LRP1B: variants seen among roughly 807,000 people sequenced by gnomAD.
The protein encoded by LRP1B is LDL receptor related protein 1B, also known as low-density lipoprotein receptor-related protein 1B.
In LRP1B, 217 loss-of-function variants were observed where a neutral mutation model predicts 556.6. The ratio of observed to expected loss-of-function variants is 0.39; its 90% CI spans 0.35 to 0.44. The LOEUF (loss-of-function observed/expected upper bound fraction) is 0.44, where lower values mean the gene tolerates loss of function less well. Among genes scored for constraint, LRP1B ranks in the 20% least tolerant of loss-of-function variants. The pLI, the probability that LRP1B is intolerant of heterozygous loss-of-function variation, is 1.00. For missense variants in LRP1B, 5,053 were observed against 5,620.8 expected, an observed-to-expected ratio of 0.90 and a Z score of 3.23; for synonymous variants, 2,047 against 1,865.8, an observed-to-expected ratio of 1.10 and a Z score of -2.50.
At chr2:140,908,376 ATATAT>A in intron 21 of LRP1B, among the ~76,000 whole-genome samples, 2 of 145,914 alleles carry the variant, frequency 1.4e-5, no homozygotes, top group Non-Finnish European at 3.0e-5. Flanking sequence ...ATATATATAT[ATATAT>A]ATATATATAT....
rs117603027 is a variant in LRP1B, at chr2:141,593,901, G to T, written c.206-113368C>A. Among the ~76,000 whole-genome samples, 292 of 152,214 alleles carry T rather than the reference G, an allele frequency of 1.9e-3. 3 individuals carry two copies. Among genetic ancestry groups the T allele is most frequent in the Admixed American group, 0.015 (231 of 15,284 alleles). On this transcript the variant is annotated intron_variant, in intron 2 of 90. Transcript: ENST00000389484. Reference sequence around the variant, plus strand: ...CAAAGCCTGTCATCAGCTGTCATTAGCTTGAAAGCCAAGCTAAAAGTTACG... The same window carrying T: ...CAAAGCCTGTCATCAGCTGTCATTATCTTGAAAGCCAAGCTAAAAGTTACG...
chr2:141,462,397 C>G (rs927669576), intron 3 of LRP1B, among the ~76,000 whole-genome samples: 9 of 151,374 alleles, frequency 5.9e-5, no homozygotes, highest in African/African-American at 1.9e-4. Flanking sequence ...ACAATAAGAA[C>G]AGGTCAAATT....
chr2:140,707,205 A>G (rs1050702952), intron 37 of LRP1B, among the ~76,000 whole-genome samples: 2 of 152,092 alleles, frequency 1.3e-5, no homozygotes, highest in Non-Finnish European at 2.9e-5. Flanking sequence ...CTAAGTGAGT[A>G]TGATTTAGAT....
intron 2 of LRP1B, among the ~76,000 whole-genome samples, chr2:141,482,066 C>G (rs185713117): frequency 2.5e-4 from 38 of 152,144 alleles, no homozygotes; most frequent in Non-Finnish European, 4.4e-5. Context: ...AAAGGCCAAT[C>G]TAACATATTT....
At chr2:141,557,231 A>T (rs914184260) in intron 2 of LRP1B, among the ~76,000 whole-genome samples, 1 of 151,924 alleles carries the variant, frequency 6.6e-6, no homozygotes, top group Admixed American at 6.6e-5. Flanking sequence ...CCACAAAGAC[A>T]CACAGGAAAC....
chr2:140,539,526 GAGA>G (rs1234410890), intron 45 of LRP1B, among the ~76,000 whole-genome samples: 2 of 152,064 alleles, frequency 1.3e-5, no homozygotes, highest in Non-Finnish European at 2.9e-5. Flanking sequence ...CGTCAACAGA[GAGA>G]AGCTTAGTAG....
At chr2:140,297,314 G>A (rs1344765626) in intron 84 of LRP1B, among the ~76,000 whole-genome samples, 1 of 152,146 alleles carries the variant, frequency 6.6e-6, no homozygotes, top group Non-Finnish European at 1.5e-5. Flanking sequence ...TTCATGAGAA[G>A]GAGAAGGTGT....
At chr2:140,873,397 A>C (rs1693202826) in intron 25 of LRP1B, among the ~76,000 whole-genome samples, 1 of 152,104 alleles carries the variant, frequency 6.6e-6, no homozygotes, top group South Asian at 2.1e-4. Flanking sequence ...ACAGGCAGTA[A>C]GGTTTGTTTT....
intron 2 of LRP1B, among the ~76,000 whole-genome samples, chr2:141,639,422 A>ATATATT (rs1558772537): frequency 2.3e-5 from 3 of 128,972 alleles, no homozygotes; most frequent in Non-Finnish European, 4.9e-5. Context: ...ATATATATAT[A>ATATATT]TTTTTTTTTG....
intron 45 of LRP1B, among the ~76,000 whole-genome samples, chr2:140,537,539 C>G (rs1209830198): frequency 6.6e-6 from 1 of 151,962 alleles, no homozygotes; most frequent in African/African-American, 2.4e-5. Context: ...GTGGGAGGTT[C>G]CCGGGAGCAG....
At chr2:141,614,080 CAAAA>C (rs550183140) in intron 2 of LRP1B, among the ~76,000 whole-genome samples, 1 of 47,346 alleles carries the variant, frequency 2.1e-5, no homozygotes, top group Non-Finnish European at 3.6e-5. Context: ...AACTCAGCCT[CAAAA>C]AAAAAAAAAA....
intron 1 of LRP1B, among the ~76,000 whole-genome samples, chr2:141,952,419 T>G (rs1701131847): frequency 6.6e-6 from 1 of 152,174 alleles, no homozygotes; most frequent in African/African-American, 2.4e-5. Flanking sequence ...GGCACATATT[T>G]CTATATAGAT....
rs539464566 is a variant in LRP1B at position 141,815,662 on chromosome 2, CA to C, written c.83-5262del. Among the ~76,000 whole-genome samples the C allele has an allele frequency of 7.2e-5, 11 of 152,264 alleles. No individual in the cohort carries two copies. The South Asian group carries it at 2.1e-3, about 29-fold the overall frequency. ...TTAAAAAAAGGGCACTCTGATAGGA[CA>C]AAAACGGAACATGGGAGGGGACAAA... is the stretch of plus-strand genomic sequence containing the variant. On this transcript the variant is annotated intron_variant, in intron 1 of 90. Coordinates refer to ENST00000389484, the MANE Select transcript of LRP1B (RefSeq NM_018557.3).
At chr2:140,925,904 C>A (rs1036863693) in intron 20 of LRP1B, among the ~76,000 whole-genome samples, 1 of 152,000 alleles carries the variant, frequency 6.6e-6, no homozygotes, top group East Asian at 1.9e-4. Context: ...AGAGAGTATA[C>A]TGTTATTGTC....
At chr2:140,664,040 C>T (rs77617237) in intron 41 of LRP1B, among the ~76,000 whole-genome samples, 1 of 152,090 alleles carries the variant, frequency 6.6e-6, no homozygotes, top group Non-Finnish European at 1.5e-5. Flanking sequence ...AGAACACACA[C>T]TGTATTTCTG....
intron 2 of LRP1B, among the ~76,000 whole-genome samples, chr2:141,748,008 T>TA (rs1693974672): frequency 6.6e-6 from 1 of 152,164 alleles, no homozygotes; most frequent in Non-Finnish European, 1.5e-5. Context: ...TGTGGCAGTT[T>TA]ACTTATAAGG....
chr2:141,526,334 C>G (rs996290552), intron 2 of LRP1B, among the ~76,000 whole-genome samples: 7 of 151,864 alleles, frequency 4.6e-5, no homozygotes, highest in East Asian at 3.9e-4. Context: ...AAGGACAGTC[C>G]TAATTTTCCA....
At chr2:140,966,201 T>A (rs1041256428) in intron 18 of LRP1B, among the ~76,000 whole-genome samples, 48 of 152,184 alleles carry the variant, frequency 3.2e-4, no homozygotes, top group Non-Finnish European at 8.8e-5. Context: ...TTTCTCCACA[T>A]CCTCTCCAGC....
chr2:140,572,795 C>CATAAAATAAAATAAA (rs58239958), intron 43 of LRP1B, among the ~76,000 whole-genome samples: 16,959 of 134,820 alleles, frequency 0.13, 1,486 homozygotes, highest in East Asian at 0.28. Flanking sequence ...ACTATTCAGC[C>CATAAAATAAAATAAA]ATAAAATAAA....
Sources: gnomAD v4.1 joint callset for allele counts (sites outside exome capture counted in the v4.1 genomes callset) on GRCh38, gnomAD v4.1.1 for gene constraint, MANE v1.5 for transcripts, NCBI Gene and HGNC (gene_info 2026-07-23, HGNC 2026-07-21) for gene names.